Variants in MYH15 observed in about 807,000 individuals in gnomAD.
MYH15 encodes the protein myosin heavy chain 15.
Under a neutral mutation model 240.5 loss-of-function variants are expected in MYH15, and 227 were observed. That is an observed-to-expected ratio of 0.94 (90% CI 0.85 to 1.05). The LOEUF is 1.05. Ranked by LOEUF, MYH15 falls within the 50% of genes least tolerant of loss-of-function variation. The pLI is 0.00. For synonymous variants in MYH15, 785 were observed against 796.7 expected, an observed-to-expected ratio of 0.99 and a Z score of 0.25; for missense variants, 2,217 against 2,247.5, an observed-to-expected ratio of 0.99 and a Z score of 0.27.
At chr3:108,385,871 T>A (rs751813037) in intron 38 of MYH15, among the ~76,000 whole-genome samples, 1 of 151,910 alleles carries the variant, frequency 6.6e-6, no homozygotes, top group South Asian at 2.1e-4. Context: ...CCTCCTTAGG[T>A]TTAGCCAAGC....
chr3:108,458,044 T>A (rs1196287019), intron 18 of MYH15, among the ~76,000 whole-genome samples: 1 of 142,538 alleles, frequency 7.0e-6, no homozygotes, highest in Non-Finnish European at 1.6e-5. Flanking sequence ...CAAGACTCTG[T>A]CTCAAATTAT....
chr3:108,387,828 A>G (rs537736567), intron 38 of MYH15, among the ~76,000 whole-genome samples: 23 of 152,330 alleles, frequency 1.5e-4, no homozygotes, highest in Middle Eastern at 3.4e-3. Context: ...ACCGCTTAAT[A>G]ATAAAAGAGC....
chr3:108,510,873 A>G (rs544915253), upstream of MYH15, among the ~76,000 whole-genome samples: 200 of 152,314 alleles, frequency 1.3e-3, 1 homozygote, highest in Middle Eastern at 0.014. Flanking sequence ...AAATCAGAAG[A>G]AAAATATAAA....
At chr3:108,540,374 T>C in the MYH15 span, among the ~76,000 whole-genome samples, 5 of 152,206 alleles carry the variant, frequency 3.3e-5, no homozygotes, top group African/African-American at 1.2e-4. Flanking sequence ...TGATGGCTGC[T>C]CTATGAGCCT....
chr3:108,442,676 A>G (rs926071604), intron 22 of MYH15, among the ~76,000 whole-genome samples: 16 of 152,034 alleles, frequency 1.1e-4, no homozygotes, highest in East Asian at 3.9e-4. Flanking sequence ...TCTTTCCCCA[A>G]TGGCAGCTCT....
intron 33 of MYH15, among the ~76,000 whole-genome samples, chr3:108,399,609 C>T (rs1169502829): frequency 2.0e-5 from 3 of 152,150 alleles, no homozygotes; most frequent in African/African-American, 7.2e-5. Context: ...CCTGGGTTTC[C>T]TGTGGTGGCT....
intron 1 of MYH15, among the ~76,000 whole-genome samples, chr3:108,520,018 T>C (rs2083605424): frequency 6.6e-6 from 1 of 152,160 alleles, no homozygotes; most frequent in Non-Finnish European, 1.5e-5. Flanking sequence ...GTATTCCAGT[T>C]CAATTAAATA....
chr3:108,456,385 A>G (rs919971287), intron 19 of MYH15, among the ~76,000 whole-genome samples: 3 of 152,194 alleles, frequency 2.0e-5, no homozygotes, highest in African/African-American at 7.2e-5. Context: ...GCCTCCTGCC[A>G]TACACCCTGC....
intron 11 of MYH15, among the ~76,000 whole-genome samples, chr3:108,483,162 T>C (rs1219085123): frequency 1.4e-5 from 2 of 147,584 alleles, no homozygotes; most frequent in African/African-American, 5.1e-5. Context: ...ATTGCCCCCC[T>C]GTACTCCAGC....
chr3:108,423,251 C>T (rs1013832679), intron 27 of MYH15, among the ~76,000 whole-genome samples: 5 of 152,162 alleles, frequency 3.3e-5, no homozygotes, highest in African/African-American at 1.2e-4. Context: ...GGAGTTTCTC[C>T]AGGGACCCCC....
intron 28 of MYH15, 71 bp downstream of exon 28, chr3:108,421,017 A>T: frequency 6.3e-7 from 1 of 1,596,544 alleles, no homozygotes; most frequent in Admixed American, 1.7e-5. Flanking sequence ...GTAGTTCATT[A>T]TCTCAGTTGT....
At position 108,499,494 on chromosome 3, in the gene MYH15, A is replaced by G. The variant is rs774176407; in HGVS notation, c.497-12T>C. The G allele has an allele frequency of 9.3e-6, 15 of 1,611,798 alleles. No individual in the cohort carries two copies. The African/African-American group carries it at 1.9e-4, about 20-fold the overall frequency. ...CTGATTTTCTCGATCTACAAAAGAA[A>G]GAAAAATGCCAGAATATTCTTATAT... On this transcript the variant is annotated splice_polypyrimidine_tract_variant and intron_variant, in intron 4 of 40. Coordinates refer to ENST00000693548, the MANE Select transcript of MYH15 (RefSeq NM_014981.3).
chr3:108,495,910 A>G (rs1428071285), intron 6 of MYH15, 38 bp from the exon 7 acceptor site: 16 of 1,486,092 alleles, frequency 1.1e-5, no homozygotes, highest in Admixed American at 5.6e-5. Context: ...TGATGAAACT[A>G]TTAGTAGAAT....
At chr3:108,454,645 A>G (rs1419764291) in intron 20 of MYH15, among the ~76,000 whole-genome samples, 1 of 152,226 alleles carries the variant, frequency 6.6e-6, no homozygotes, top group Non-Finnish European at 1.5e-5. Flanking sequence ...GTCCATGGAC[A>G]TGGCTCTTGG....
chr3:108,413,620 GC>G (rs2082610921), intron 30 of MYH15, among the ~76,000 whole-genome samples: 1 of 152,140 alleles, frequency 6.6e-6, no homozygotes, highest in South Asian at 2.1e-4. Flanking sequence ...ATTCAGCTGT[GC>G]CCCAAACTTG....
At chr3:108,452,781 T>C (rs1378674137) in intron 21 of MYH15, among the ~76,000 whole-genome samples, 3 of 152,056 alleles carry the variant, frequency 2.0e-5, no homozygotes, top group Admixed American at 6.6e-5. Context: ...GCTTCAACTA[T>C]ATATGTTAAT....
At chr3:108,458,984 C>T (rs373958637) in intron 18 of MYH15, among the ~76,000 whole-genome samples, 44 of 152,250 alleles carry the variant, frequency 2.9e-4, no homozygotes, top group African/African-American at 9.9e-4. Context: ...GACCAAATAA[C>T]TTCCTTTATG....
the MYH15 span, among the ~76,000 whole-genome samples, chr3:108,546,267 C>T: frequency 5.3e-5 from 8 of 152,082 alleles, no homozygotes; most frequent in Non-Finnish European, 1.0e-4. Context: ...ACAGTGCTGT[C>T]TTTTGCTAGG....
rs1490197828 is a variant in MYH15, at chr3:108,381,218, T to TC, written c.*326dup. On this transcript the variant is annotated 3_prime_UTR_variant, in exon 41 of 41. Transcript: ENST00000693548. ...CTGGTCTAAGGACATCTTCTATGAG[T>TC]CCTACCCATTAAGAGGAAATATGGA... 2.6e-6 allele frequency: 1 copy of TC among 381,588 alleles called. No homozygotes were observed. The highest frequency in any genetic ancestry group is 3.8e-5 in the Admixed American group (1 of 26,114). 23.6% of individuals were successfully genotyped at this position (381,588 alleles called of 1,614,324 possible). A position where few individuals can be genotyped will look rare whatever the true frequency, so the allele number is the denominator to read the frequency against.
Sources: gnomAD v4.1 joint callset for allele counts (sites outside exome capture counted in the v4.1 genomes callset) on GRCh38, gnomAD v4.1.1 for gene constraint, MANE v1.5 for transcripts, NCBI Gene and HGNC (gene_info 2026-07-23, HGNC 2026-07-21) for gene names.